The following LRRTM4 variants were observed in gnomAD, a reference collection of about 807,000 sequenced individuals.
LRRTM4 encodes leucine-rich repeat transmembrane neuronal protein 4.
Under a neutral mutation model 47.6 loss-of-function variants are expected in LRRTM4, and 25 were observed. That is an observed-to-expected ratio of 0.53 (90% CI 0.38 to 0.73). The LOEUF (loss-of-function observed/expected upper bound fraction) is 0.73, where lower values mean the gene tolerates loss of function less well. Ranked by LOEUF, LRRTM4 falls within the 30% of genes least tolerant of loss-of-function variation. The pLI, the probability that LRRTM4 is intolerant of heterozygous loss-of-function variation, is 0.00. For synonymous variants in LRRTM4, 311 were observed against 269.5 expected (o/e 1.15, Z -1.51); for missense variants, 638 against 713.4 (o/e 0.89, Z 1.20).
intron 3 of LRRTM4, among the ~76,000 whole-genome samples, chr2:77,108,968 A>G (rs545209505): frequency 6.6e-6 from 1 of 152,366 alleles, no homozygotes; most frequent in African/African-American, 2.4e-5. Flanking sequence ...CTGTTAACAT[A>G]GCAGACCAGA....
At chr2:76,972,495 G>A (rs1052607084) in intron 3 of LRRTM4, among the ~76,000 whole-genome samples, 3 of 138,082 alleles carry the variant, frequency 2.2e-5, no homozygotes, top group Non-Finnish European at 4.5e-5. Context: ...TCAGCTCACT[G>A]CAACCTCTGC....
chr2:77,091,655 A>C (rs1333654788), intron 3 of LRRTM4, among the ~76,000 whole-genome samples: 299 of 145,986 alleles, frequency 2.0e-3, no homozygotes, highest in Middle Eastern at 0.011. Context: ...TTGCACCCTT[A>C]ATCCCAGCCT....
chr2:77,354,418 T>C (rs958909641), intron 3 of LRRTM4, among the ~76,000 whole-genome samples: 1 of 151,500 alleles, frequency 6.6e-6, no homozygotes, highest in African/African-American at 2.4e-5. Context: ...TTCCTAGAAA[T>C]TGTATTTATT....
intron 3 of LRRTM4, among the ~76,000 whole-genome samples, chr2:77,212,357 TA>T (rs943381190): frequency 9.4e-4 from 16 of 17,056 alleles, no homozygotes; most frequent in Non-Finnish European, 1.5e-3. Flanking sequence ...TAACTCATGA[TA>T]TATATATATA....
intron 3 of LRRTM4, among the ~76,000 whole-genome samples, chr2:77,032,318 T>C (rs1678688801): frequency 1.3e-5 from 2 of 152,158 alleles, no homozygotes. Flanking sequence ...TCTAATCATC[T>C]CAAACAAAAT....
At chr2:77,219,102 C>T (rs1381800205) in intron 3 of LRRTM4, among the ~76,000 whole-genome samples, 2 of 152,040 alleles carry the variant, frequency 1.3e-5, no homozygotes, top group African/African-American at 4.8e-5. Flanking sequence ...TTGATTTTTC[C>T]CTACTGAAAT....
chr2:76,796,936 G>C (rs1213991894), intron 3 of LRRTM4, among the ~76,000 whole-genome samples: 2 of 152,034 alleles, frequency 1.3e-5, no homozygotes, highest in Admixed American at 6.5e-5. Context: ...AAAGAAATGA[G>C]CAAAGCCTCC....
At chr2:77,479,450 G>A (rs1677565141) in intron 3 of LRRTM4, among the ~76,000 whole-genome samples, 1 of 152,322 alleles carries the variant, frequency 6.6e-6, no homozygotes, top group Admixed American at 6.5e-5. Context: ...AAACTCTGGA[G>A]GTTTCAAAAA....
chr2:76,981,533 C>T (rs1341155461), intron 3 of LRRTM4, among the ~76,000 whole-genome samples: 1 of 152,040 alleles, frequency 6.6e-6, no homozygotes, highest in African/African-American at 2.4e-5. Context: ...CTTGCTCTGT[C>T]GCCTAGACTG....
rs567553068 is a variant in LRRTM4, at chr2:76,990,492, G to T, written c.1552-241576C>A. Among the ~76,000 whole-genome samples the T allele has an allele frequency of 7.2e-5, 11 of 151,766 alleles. No individual in the cohort carries two copies. The South Asian group carries it at 1.7e-3, about 23-fold the overall frequency. On this transcript the variant is annotated intron_variant, in intron 3 of 3. Transcript: ENST00000409884. ...AGATGGAAAACAAGAAAGAGCAGGGGTCACTACCTTCTATCAGATAAAACA... is the reference window on the plus strand; with the variant it reads ...AGATGGAAAACAAGAAAGAGCAGGGTTCACTACCTTCTATCAGATAAAACA...
intron 3 of LRRTM4, among the ~76,000 whole-genome samples, chr2:77,262,787 G>A (rs1311263607): frequency 2.6e-5 from 4 of 151,860 alleles, no homozygotes; most frequent in Admixed American, 6.6e-5. Flanking sequence ...GCAATATTGC[G>A]ACTTATATAA....
intron 3 of LRRTM4, among the ~76,000 whole-genome samples, chr2:77,027,421 C>T (rs1678492903): frequency 6.6e-6 from 1 of 152,094 alleles, no homozygotes; most frequent in Non-Finnish European, 1.5e-5. Context: ...TATGTGCATG[C>T]TTCAGTGATT....
chr2:77,477,782 T>A (rs1489613271), intron 3 of LRRTM4, among the ~76,000 whole-genome samples: 9 of 140,510 alleles, frequency 6.4e-5, no homozygotes, highest in African/African-American at 2.2e-4. Context: ...GAGGTTGCGG[T>A]GAGCCCAGAT....
At chr2:77,223,076 C>G (rs1054375374) in intron 3 of LRRTM4, among the ~76,000 whole-genome samples, 17 of 152,140 alleles carry the variant, frequency 1.1e-4, no homozygotes, top group African/African-American at 3.9e-4. Context: ...TAAACATAAT[C>G]CAGCATATCA....
intron 3 of LRRTM4, among the ~76,000 whole-genome samples, chr2:76,786,499 A>G (rs1186467888): frequency 1.3e-5 from 2 of 149,734 alleles, no homozygotes; most frequent in Admixed American, 6.8e-5. Flanking sequence ...AATTAATAAG[A>G]ATTATGAATA....
chr2:77,292,132 C>G (rs955077269), intron 3 of LRRTM4, among the ~76,000 whole-genome samples: 10 of 151,870 alleles, frequency 6.6e-5, no homozygotes, highest in African/African-American at 1.2e-4. Context: ...AAATGCAAAT[C>G]AAAACCACAA....
chr2:77,208,802 T>C, intron 3 of LRRTM4, among the ~76,000 whole-genome samples: 1 of 152,116 alleles, frequency 6.6e-6, no homozygotes, highest in South Asian at 2.1e-4. Context: ...TGGAAGTGTT[T>C]ATAGGAGCTG....
At chr2:77,498,904 G>A (rs2104069208) in intron 3 of LRRTM4, among the ~76,000 whole-genome samples, 1 of 151,932 alleles carries the variant, frequency 6.6e-6, no homozygotes, top group South Asian at 2.1e-4. Context: ...CAATTTAGAA[G>A]TTTGTGTCAG....
chr2:76,783,895 A>G (rs1674528745), intron 3 of LRRTM4, among the ~76,000 whole-genome samples: 1 of 152,190 alleles, frequency 6.6e-6, no homozygotes, highest in Non-Finnish European at 1.5e-5. Context: ...ATTTGACAGT[A>G]TAAAATACTC....
Sources: allele counts gnomAD v4.1 joint callset (sites outside exome capture counted in the v4.1 genomes callset), GRCh38; gene constraint gnomAD v4.1.1; transcripts MANE v1.5; gene names NCBI Gene and HGNC (gene_info 2026-07-23, HGNC 2026-07-21).